Variants in PIK3C2G observed in about 807,000 individuals in gnomAD.
The protein encoded by PIK3C2G is phosphatidylinositol 3-kinase C2 domain-containing subunit gamma.
A neutral mutation model predicts 181.1 loss-of-function variants in PIK3C2G; 168 were observed. The observed-to-expected ratio is 0.93, with a 90% CI of 0.82 to 1.05. The LOEUF is 1.05. PIK3C2G is among the 50% of genes least tolerant of loss of function. PIK3C2G has a pLI of 0.00. For missense variants in PIK3C2G, 1,869 were observed against 1,732.8 expected (o/e 1.08, Z -1.40); for synonymous variants, 573 against 592.2 (o/e 0.97, Z 0.47).
At chr12:18,514,095 G>A (rs963388276) in intron 24 of PIK3C2G, among the ~76,000 whole-genome samples, 1 of 151,620 alleles carries the variant, frequency 6.6e-6, no homozygotes, top group African/African-American at 2.4e-5. Flanking sequence ...GTGACCCATT[G>A]GTTGTTTATG....
At chr12:18,309,721 T>A (rs1272882686) in intron 5 of PIK3C2G, among the ~76,000 whole-genome samples, 2 of 151,830 alleles carry the variant, frequency 1.3e-5, no homozygotes, top group African/African-American at 4.8e-5. Context: ...TTTTACCATT[T>A]TATCAAGGAT....
At chr12:18,700,487 G>A in the PIK3C2G span, among the ~76,000 whole-genome samples, 8 of 106,886 alleles carry the variant, frequency 7.5e-5, no homozygotes, top group South Asian at 1.3e-3. Context: ...TGGGATGTGC[G>A]CATAACCAGA....
At chr12:18,724,947 G>C in the PIK3C2G span, among the ~76,000 whole-genome samples, 1 of 152,062 alleles carries the variant, frequency 6.6e-6, no homozygotes, top group African/African-American at 2.4e-5. Context: ...CAGAGTATAA[G>C]CTTGGTCATC....
At chr12:18,583,808 G>A (rs1445944723) in intron 29 of PIK3C2G, among the ~76,000 whole-genome samples, 1 of 151,766 alleles carries the variant, frequency 6.6e-6, no homozygotes. Context: ...CAACTCAAAT[G>A]GCCAGTTATG....
At chr12:18,259,445 G>T (rs79322338), upstream of PIK3C2G, among the ~76,000 whole-genome samples, 3 of 151,940 alleles carry the variant, frequency 2.0e-5, no homozygotes, top group African/African-American at 7.3e-5. Context: ...CCCAGGTTTC[G>T]AGCAAGACTA....
At chr12:18,566,653 A>G (rs577329876) in intron 28 of PIK3C2G, among the ~76,000 whole-genome samples, 6 of 152,260 alleles carry the variant, frequency 3.9e-5, no homozygotes, top group African/African-American at 1.4e-4. Flanking sequence ...AAGACCCCAC[A>G]TATATTTAAA....
At chr12:18,542,535 C>A (rs1278433913) in intron 25 of PIK3C2G, among the ~76,000 whole-genome samples, 2 of 151,696 alleles carry the variant, frequency 1.3e-5, no homozygotes, top group East Asian at 1.9e-4. Context: ...CAATAGTTAT[C>A]TTTTCTGCTT....
chr12:18,662,064 G>A, the PIK3C2G span, among the ~76,000 whole-genome samples: 5 of 152,062 alleles, frequency 3.3e-5, no homozygotes, highest in East Asian at 7.7e-4. Context: ...TATTAAGTAG[G>A]AACTAAATCT....
the PIK3C2G span, among the ~76,000 whole-genome samples, chr12:18,698,335 C>A: frequency 1.8e-4 from 28 of 151,814 alleles, no homozygotes; most frequent in African/African-American, 6.5e-4. Context: ...CTATACTACT[C>A]TATTCTATTC....
At chr12:18,709,915 A>G in the PIK3C2G span, among the ~76,000 whole-genome samples, 1 of 151,964 alleles carries the variant, frequency 6.6e-6, no homozygotes, top group African/African-American at 2.4e-5. Flanking sequence ...TCATTTTTAT[A>G]CTATTGTAAA....
At chr12:18,553,974 G>T (rs1445419419) in intron 26 of PIK3C2G, among the ~76,000 whole-genome samples, 1 of 151,912 alleles carries the variant, frequency 6.6e-6, no homozygotes, top group Non-Finnish European at 1.5e-5. Context: ...CTGGGAAATG[G>T]CATGGCTTAG....
chr12:18,577,508 A>C (rs1287483863), intron 29 of PIK3C2G, among the ~76,000 whole-genome samples: 1 of 152,172 alleles, frequency 6.6e-6, no homozygotes, highest in Non-Finnish European at 1.5e-5. Context: ...TTGTTTTTAT[A>C]TTGAATTGAA....
At chr12:18,509,571 G>A (rs886100619) in intron 24 of PIK3C2G, among the ~76,000 whole-genome samples, 1 of 152,112 alleles carries the variant, frequency 6.6e-6, no homozygotes, top group Non-Finnish European at 1.5e-5. Flanking sequence ...AAATTAAATT[G>A]AGTCAGCAAA....
At chr12:18,527,050 T>A (rs1943273639) in intron 24 of PIK3C2G, among the ~76,000 whole-genome samples, 1 of 151,900 alleles carries the variant, frequency 6.6e-6, no homozygotes, top group Non-Finnish European at 1.5e-5. Context: ...GTGAGAGAGA[T>A]GAAATAAAAG....
At chr12:18,558,694 C>T (rs1945137281) in intron 26 of PIK3C2G, among the ~76,000 whole-genome samples, 1 of 152,138 alleles carries the variant, frequency 6.6e-6, no homozygotes, top group African/African-American at 2.4e-5. Context: ...GGCCTACTTT[C>T]ATGGCAAGTT....
chr12:18,706,247 A>T, the PIK3C2G span, among the ~76,000 whole-genome samples: 1 of 152,034 alleles, frequency 6.6e-6, no homozygotes, highest in Non-Finnish European at 1.5e-5. Context: ...TAAAAATAAA[A>T]AAAAAAAAAG....
chr12:18,371,190 C>T lies in PIK3C2G; in HGVS notation c.1759C>T (p.Pro587Ser), dbSNP rs1161481962. The change falls in exon 13 of 33, where the codon CCC becomes TCC. Residue 587 changes from proline to serine, a missense_variant. Physicochemically the swap from Pro to Ser is moderately conservative, Grantham distance 74 (BLOSUM62 -1). Transcript: ENST00000538779. Reference protein sequence around the residue: ...LVNWNETINFPLEIKSLPRES... With the variant: ...LVNWNETINFSLEIKSLPRES... ...TTCTTTTATTCTCAGGATCAATTTT[C>T]CCCTTGAAATAAAGTCACTTCCAAG... is the stretch of plus-strand genomic sequence containing the variant. 1.9e-6 allele frequency: 3 copies of T among 1,606,870 alleles called. No individual in the cohort carries two copies. Among genetic ancestry groups the T allele is most frequent in the South Asian group, 1.1e-5 (1 of 89,706 alleles).
chr12:18,248,974 T>C (rs1309894588), intron 1 of PIK3C2G, among the ~76,000 whole-genome samples: 1 of 152,216 alleles, frequency 6.6e-6, no homozygotes, highest in Non-Finnish European at 1.5e-5. Context: ...ATTAGGACTC[T>C]AGCGCATATT....
chr12:18,559,811 TATATATATATAGAGAG>T (rs1368718180), intron 26 of PIK3C2G, among the ~76,000 whole-genome samples: 10 of 32,566 alleles, frequency 3.1e-4, no homozygotes, highest in African/African-American at 4.7e-4. Flanking sequence ...TATATATATA[TATATATATATAGAGAG>T]AGAGAGAGAG....
Sources: gnomAD v4.1 joint callset for allele counts (sites outside exome capture counted in the v4.1 genomes callset) on GRCh38, gnomAD v4.1.1 for gene constraint, MANE v1.5 for transcripts, NCBI Gene and HGNC (gene_info 2026-07-23, HGNC 2026-07-21) for gene names.